Variants in DOCK5 observed in about 807,000 individuals in gnomAD.
DOCK5 encodes dedicator of cytokinesis protein 5.
Under a neutral mutation model 251.8 loss-of-function variants are expected in DOCK5, and 142 were observed. That is an observed-to-expected ratio of 0.56 (90% CI 0.49 to 0.65). The LOEUF is 0.65. Ranked by LOEUF, DOCK5 falls within the 30% of genes least tolerant of loss-of-function variation. DOCK5 has a pLI of 0.00. For missense variants in DOCK5, 2,111 were observed against 2,312.3 expected (o/e 0.91, Z 1.79); for synonymous variants, 842 against 835.5 (o/e 1.01, Z -0.13).
rs56131241 is a variant in DOCK5, at chr8:25,412,078, C to CTTTTTTTTTTTTTTTT, written c.*788_*803dup. 6.0e-5 allele frequency: 5 copies of CTTTTTTTTTTTTTTTT among 82,844 alleles called. No individual in the cohort carries two copies. The highest frequency in any genetic ancestry group is 1.0e-4 in the Non-Finnish European group (5 of 47,910). The allele number at this position is 82,844 out of a possible 1,614,324, so 5.1% of individuals were successfully genotyped here. A position where few individuals can be genotyped will look rare whatever the true frequency, so the allele number is the denominator to read the frequency against. On this transcript the variant is annotated 3_prime_UTR_variant, in exon 52 of 52. Coordinates refer to ENST00000276440, the MANE Select transcript of DOCK5 (RefSeq NM_024940.8). ...GAAGCTCTTCCTTTTGCACATACGGCTTTTTTTTTTTTTTTTTTTTTTTGT... is the reference window on the plus strand; with the variant it reads ...GAAGCTCTTCCTTTTGCACATACGGCTTTTTTTTTTTTTTTTTTTTTTTTTTTTTTTTTTTTTTTGT...
intron 1 of DOCK5, among the ~76,000 whole-genome samples, chr8:25,196,847 G>A (rs1801740186): frequency 2.0e-5 from 3 of 152,204 alleles, no homozygotes; most frequent in Admixed American, 1.3e-4. Context: ...TCTTTGGAAT[G>A]AGTTGTAGCG....
chr8:25,382,572 G>A (rs1801086738), intron 39 of DOCK5, 102 bp from the exon 40 acceptor site: 12 of 920,590 alleles, frequency 1.3e-5, no homozygotes, highest in Non-Finnish European at 2.0e-5. Flanking sequence ...ACCTTTCATT[G>A]CTCTGGGTTA....
chr8:25,218,380 C>G (rs1447586830), intron 1 of DOCK5, among the ~76,000 whole-genome samples: 3 of 152,122 alleles, frequency 2.0e-5, no homozygotes, highest in Non-Finnish European at 4.4e-5. Flanking sequence ...CAGCTTCTGT[C>G]CTGGTTACCA....
At chr8:25,380,495 T>A (rs1311079854) in intron 39 of DOCK5, 101 bp downstream of exon 39, 2 of 1,001,912 alleles carry the variant, frequency 2.0e-6, no homozygotes, top group Non-Finnish European at 3.0e-6. Context: ...AATGGTGTTT[T>A]TTTACAATGG....
chr8:25,383,586 G>A (rs1209376145), intron 40 of DOCK5, among the ~76,000 whole-genome samples: 1 of 152,182 alleles, frequency 6.6e-6, no homozygotes, highest in Non-Finnish European at 1.5e-5. Context: ...CGGACGCAGT[G>A]GCTCATGCCT....
chr8:25,373,609 TCCTGGCA>T lies in DOCK5; in HGVS notation c.3685-8_3685-2del. On this transcript the variant is annotated splice_acceptor_variant and splice_polypyrimidine_tract_variant and intron_variant, in intron 35 of 51. Transcript: ENST00000276440. LOFTEE classifies it high-confidence loss of function. ...GTTGGGATTCTGTGATCCTTTTTTT[TCCTGGCA>T]GAACTTTTATAAAGAAAAGAAGAGA... The T allele has an allele frequency of 6.3e-7, 1 of 1,590,304 alleles. No individual in the cohort carries two copies. The highest frequency in any genetic ancestry group is 1.8e-5 in the Admixed American group (1 of 56,092).
At chr8:25,381,557 G>T (rs149867539) in intron 39 of DOCK5, among the ~76,000 whole-genome samples, 1 of 152,044 alleles carries the variant, frequency 6.6e-6, no homozygotes, top group Non-Finnish European at 1.5e-5. Context: ...GAGCCTGGGA[G>T]GTCAAGGCTG....
intron 1 of DOCK5, among the ~76,000 whole-genome samples, chr8:25,228,664 C>CCTGA (rs1802590551): frequency 1.3e-5 from 2 of 152,300 alleles, no homozygotes; most frequent in East Asian, 3.9e-4. Context: ...GCAGTGGTAA[C>CCTGA]CTGACATAAA....
At chr8:25,278,350 A>G (rs1009299261) in intron 4 of DOCK5, among the ~76,000 whole-genome samples, 3 of 152,202 alleles carry the variant, frequency 2.0e-5, no homozygotes, top group African/African-American at 7.2e-5. Context: ...CCGCAGGCTC[A>G]TTCAGTTGCA....
intron 30 of DOCK5, 134 bp from the exon 31 acceptor site, chr8:25,366,733 TAAG>T: frequency 1.6e-6 from 1 of 620,200 alleles, no homozygotes; most frequent in South Asian, 2.5e-5. Context: ...AATCAAAACC[TAAG>T]AAGAATGTAG....
In DOCK5 at chr8:25,349,506, A is replaced by G. The variant is rs1419387947; in HGVS notation, c.2755-2225A>G. 7.2e-5 allele frequency among the ~76,000 whole-genome samples: 11 copies of G among 152,246 alleles called. No homozygotes were observed. The East Asian group carries it at 2.1e-3, about 29-fold the overall frequency. ...CAGCACAATTTGCAATAGCAAAGAT[A>G]TGAAACCCATCTAAGTGTCCATTGA... On this transcript the variant is annotated intron_variant, in intron 26 of 51. Coordinates refer to ENST00000276440, the MANE Select transcript of DOCK5 (RefSeq NM_024940.8).
At chr8:25,393,430 C>T (rs994373881) in intron 44 of DOCK5, among the ~76,000 whole-genome samples, 3 of 152,186 alleles carry the variant, frequency 2.0e-5, no homozygotes, top group Admixed American at 6.5e-5. Context: ...CTCACCATTT[C>T]GTCCATTCTC....
intron 45 of DOCK5, among the ~76,000 whole-genome samples, chr8:25,398,980 G>C (rs1182476505): frequency 6.6e-6 from 1 of 152,128 alleles, no homozygotes; most frequent in African/African-American, 2.4e-5. Flanking sequence ...AGTCTGTCCT[G>C]TAGTTCCAGG....
At chr8:25,329,416 G>A (rs1191413624) in intron 18 of DOCK5, among the ~76,000 whole-genome samples, 2 of 151,990 alleles carry the variant, frequency 1.3e-5, no homozygotes, top group African/African-American at 4.8e-5. Context: ...CAATTTTCAA[G>A]TATACAGTAT....
At chr8:25,384,986 T>C (rs944533322) in intron 40 of DOCK5, among the ~76,000 whole-genome samples, 7 of 152,152 alleles carry the variant, frequency 4.6e-5, no homozygotes, top group African/African-American at 1.7e-4. Context: ...CTGTTTCAGC[T>C]GCAACCTGAA....
At chr8:25,294,413 T>C (rs2117155166) in intron 6 of DOCK5, among the ~76,000 whole-genome samples, 1 of 152,360 alleles carries the variant, frequency 6.6e-6, no homozygotes, top group East Asian at 1.9e-4. Context: ...GTGTTATCCC[T>C]GAGCGGTCTT....
intron 2 of DOCK5, among the ~76,000 whole-genome samples, chr8:25,258,952 C>G (rs1803494790): frequency 6.6e-6 from 1 of 152,128 alleles, no homozygotes; most frequent in Non-Finnish European, 1.5e-5. Flanking sequence ...AATCCTGTCT[C>G]TACTAAAAAT....
intron 1 of DOCK5, among the ~76,000 whole-genome samples, chr8:25,239,319 ATGTG>A (rs746237389): frequency 1.6e-4 from 21 of 130,978 alleles, no homozygotes; most frequent in Non-Finnish European, 2.7e-4. Context: ...GTGCGTGTAT[ATGTG>A]TGTGTGTGTG....
At chr8:25,332,729 G>A (rs746077288) in intron 20 of DOCK5, 37 bp downstream of exon 20, 13 of 1,500,000 alleles carry the variant, frequency 8.7e-6, no homozygotes, top group Non-Finnish European at 1.2e-5. Flanking sequence ...GTTTATTGTT[G>A]CAACTTTGTA....
Sources: allele counts gnomAD v4.1 joint callset (sites outside exome capture counted in the v4.1 genomes callset), GRCh38; gene constraint gnomAD v4.1.1; transcripts MANE v1.5; gene names NCBI Gene and HGNC (gene_info 2026-07-23, HGNC 2026-07-21).